The following MAP4K4 variants were observed in gnomAD, a reference collection of about 807,000 sequenced individuals.
MAP4K4 encodes the protein mitogen-activated protein kinase kinase kinase kinase 4.
MAP4K4 carries 38 observed loss-of-function variants against 189.6 expected under a neutral mutation model. That is an observed-to-expected ratio of 0.20 (90% CI 0.15 to 0.26). The LOEUF is 0.26. Ranked by LOEUF, MAP4K4 falls within the 10% of genes least tolerant of loss-of-function variation. MAP4K4 has a pLI of 1.00. For synonymous variants in MAP4K4, 610 were observed against 624.3 expected (o/e 0.98, Z 0.34); for missense variants, 1,054 against 1,726.9 (o/e 0.61, Z 6.91).
chr2:101,703,536 T>A (rs1258537593), intron 2 of MAP4K4, among the ~76,000 whole-genome samples: 1 of 145,058 alleles, frequency 6.9e-6, no homozygotes, highest in Non-Finnish European at 1.5e-5. Flanking sequence ...GAGAATCGCT[T>A]GAACCTAGGA....
At chr2:101,880,114 C>T (rs562500771) in intron 27 of MAP4K4, among the ~76,000 whole-genome samples, 38 of 152,116 alleles carry the variant, frequency 2.5e-4, no homozygotes, top group South Asian at 1.2e-3. Context: ...ATGTGTTTTG[C>T]GGATATTTTC....
At chr2:101,848,640 C>T (rs1314015750) in intron 12 of MAP4K4, among the ~76,000 whole-genome samples, 1 of 152,204 alleles carries the variant, frequency 6.6e-6, no homozygotes, top group Non-Finnish European at 1.5e-5. Context: ...TCCACACACT[C>T]CTGTCTCTGC....
intron 2 of MAP4K4, among the ~76,000 whole-genome samples, chr2:101,770,854 C>G (rs912821644): frequency 1.3e-5 from 2 of 152,142 alleles, no homozygotes; most frequent in African/African-American, 2.4e-5. Flanking sequence ...ACAACTGTCA[C>G]CAGATGGCGC....
At chr2:101,848,154 A>G (rs971342486) in intron 12 of MAP4K4, among the ~76,000 whole-genome samples, 3 of 152,230 alleles carry the variant, frequency 2.0e-5, no homozygotes, top group South Asian at 2.1e-4. Context: ...TTCTAGGAAC[A>G]TATCCCTGTT....
At chr2:101,882,729 T>A in intron 28 of MAP4K4, 44 bp downstream of exon 28, 1 of 1,470,438 alleles carries the variant, frequency 6.8e-7, no homozygotes, top group African/African-American at 1.4e-5. Context: ...AGAGTTTGAT[T>A]AGAGTTTGAA....
chr2:101,715,768 C>T (rs978536582), intron 2 of MAP4K4, among the ~76,000 whole-genome samples: 2 of 152,142 alleles, frequency 1.3e-5, no homozygotes, highest in Non-Finnish European at 2.9e-5. Flanking sequence ...GAGTTTCAGA[C>T]AAGTACTGGT....
intron 2 of MAP4K4, among the ~76,000 whole-genome samples, chr2:101,777,233 T>C (rs1575382775): frequency 6.6e-6 from 1 of 152,304 alleles, no homozygotes; most frequent in Middle Eastern, 3.4e-3. Context: ...GAGCTTTGTG[T>C]GAGGAAGTAG....
intron 3 of MAP4K4, among the ~76,000 whole-genome samples, chr2:101,813,314 T>C (rs1256357714): frequency 6.6e-6 from 1 of 152,128 alleles, no homozygotes; most frequent in Non-Finnish European, 1.5e-5. Flanking sequence ...TCAATGTCAG[T>C]AGTAATATGT....
intron 28 of MAP4K4, 91 bp from the exon 29 acceptor site, chr2:101,885,093 TTTA>T: frequency 1.8e-6 from 1 of 545,740 alleles, no homozygotes. Flanking sequence ...AGAAGGCATA[TTTA>T]TAAAGTTTGC....
At chr2:101,850,239 A>G (rs951098885) in intron 12 of MAP4K4, among the ~76,000 whole-genome samples, 1 of 152,170 alleles carries the variant, frequency 6.6e-6, no homozygotes, top group African/African-American at 2.4e-5. Flanking sequence ...TCAAAGTTAA[A>G]TTTTAGAGGG....
chr2:101,892,831 C>G (rs1405071158), exon 33 of MAP4K4: 1 of 448,764 alleles, frequency 2.2e-6, no homozygotes, highest in African/African-American at 2.0e-5. Flanking sequence ...ATGGTCATCA[C>G]TCAAGCTCCC....
intron 3 of MAP4K4, among the ~76,000 whole-genome samples, chr2:101,813,860 A>AT (rs1394272101): frequency 6.6e-6 from 1 of 152,154 alleles, no homozygotes; most frequent in Admixed American, 6.5e-5. Flanking sequence ...GTAGAGTCAG[A>AT]TTTCCTCAGA....
chr2:101,748,947 TACA>T (rs1453311537), intron 2 of MAP4K4, among the ~76,000 whole-genome samples: 2 of 139,688 alleles, frequency 1.4e-5, no homozygotes, highest in Non-Finnish European at 3.1e-5. Context: ...GAATCCAACT[TACA>T]AGGGATGTGA....
At chr2:101,839,749 G>T in intron 9 of MAP4K4, 70 bp from the exon 10 acceptor site, 4 of 1,192,310 alleles carry the variant, frequency 3.4e-6, no homozygotes, top group Non-Finnish European at 2.3e-6. Flanking sequence ...GTTGAGGCTT[G>T]TAAGTTACTG....
intron 6 of MAP4K4, 148 bp downstream of exon 6, chr2:101,829,742 T>C: frequency 1.7e-6 from 1 of 603,662 alleles, no homozygotes; most frequent in Non-Finnish European, 3.0e-6. Flanking sequence ...CTGAGCATAT[T>C]ACTTAGCTTG....
At chr2:101,703,346 T>G (rs1289881154) in intron 2 of MAP4K4, among the ~76,000 whole-genome samples, 2 of 151,984 alleles carry the variant, frequency 1.3e-5, no homozygotes, top group Admixed American at 6.6e-5. Context: ...CCCACAGTAT[T>G]AGGAGGAGCT....
At chr2:101,781,634 C>G (rs2087540369) in intron 2 of MAP4K4, among the ~76,000 whole-genome samples, 1 of 152,142 alleles carries the variant, frequency 6.6e-6, no homozygotes, top group African/African-American at 2.4e-5. Context: ...TTTACTCCTC[C>G]CTCCTGGCCT....
intron 15 of MAP4K4, 117 bp from the exon 16 acceptor site, chr2:101,860,707 TG>T: frequency 1.2e-6 from 1 of 815,272 alleles, no homozygotes; most frequent in Non-Finnish European, 1.9e-6. Context: ...CTCTCTTTTC[TG>T]GTAGCAGAAG....
intron 2 of MAP4K4, among the ~76,000 whole-genome samples, chr2:101,704,563 A>T (rs1331858076): frequency 0.016 from 740 of 47,024 alleles, 8 homozygotes; most frequent in African/African-American, 0.039. Flanking sequence ...ATATATATAT[A>T]TATATTTTTT....
Sources: allele counts gnomAD v4.1 joint callset (sites outside exome capture counted in the v4.1 genomes callset), GRCh38; gene constraint gnomAD v4.1.1; transcripts MANE v1.5; gene names NCBI Gene and HGNC (gene_info 2026-07-23, HGNC 2026-07-21).